Variants in DPP8 observed in about 807,000 individuals in gnomAD.
DPP8 encodes DPP VIII.
A neutral mutation model predicts 107.5 loss-of-function variants in DPP8; 31 were observed. The observed-to-expected ratio is 0.29, with a 90% CI of 0.22 to 0.39. DPP8 has a LOEUF of 0.39. DPP8 is among the 10% of genes least tolerant of loss of function. The probability of loss-of-function intolerance (pLI) is 1.00; values close to 1 mark genes in which losing one functional copy is unlikely to be tolerated. For synonymous variants in DPP8, 381 were observed against 356.6 expected, an observed-to-expected ratio of 1.07 and a Z score of -0.77; for missense variants, 842 against 1,076.1, an observed-to-expected ratio of 0.78 and a Z score of 3.04.
intron 8 of DPP8, among the ~76,000 whole-genome samples, chr15:65,483,328 C>T (rs2067104095): frequency 6.6e-6 from 1 of 151,848 alleles, no homozygotes; most frequent in Non-Finnish European, 1.5e-5. Flanking sequence ...AGTGCAAGAC[C>T]AGCCTGGGCA....
At position 65,463,888 on chromosome 15, in the gene DPP8, G is replaced by A. The variant is rs1463749943; in HGVS notation, c.1844C>T (p.Thr615Ile). The stretch of plus-strand genomic sequence containing the variant: ...TTCAAAAGAGAAAATTTCTGGAGGA[G>A]TATAGTCAGGAAGAGGACCTGTGAA... Reference protein sequence around the residue: ...LDSAGPLPDYTPPEIFSFEST... With the variant: ...LDSAGPLPDYIPPEIFSFEST... Residue 615 changes from threonine (T) to isoleucine (I), a missense_variant, in exon 15 of 20, where the codon ACT becomes ATT. Thr to Ile is a moderately conservative substitution (Grantham distance 89). Around this residue, in one of 2 missense-constraint regions of DPP8, gnomAD observed 663 missense variants for 758.0 expected, o/e 0.87. Coordinates refer to ENST00000300141, the MANE Select transcript of DPP8 (RefSeq NM_130434.5). 2 of 1,586,054 alleles carry A rather than the reference G, an allele frequency of 1.3e-6. No homozygotes were observed. The highest frequency in any genetic ancestry group is 3.4e-4 in the Middle Eastern group (2 of 5,908).
chr15:65,467,038 T>C, intron 13 of DPP8, 33 bp downstream of exon 13: 1 of 1,610,570 alleles, frequency 6.2e-7, no homozygotes, highest in Non-Finnish European at 8.5e-7. Flanking sequence ...AGTTTTAATA[T>C]GACACAAAAC....
intron 8 of DPP8, among the ~76,000 whole-genome samples, chr15:65,482,090 T>C (rs1595986741): frequency 6.6e-6 from 1 of 152,276 alleles, no homozygotes; most frequent in East Asian, 1.9e-4. Flanking sequence ...TGGAATGCAG[T>C]GGCTTGATCA....
At chr15:65,482,854 T>C (rs1300187070) in intron 8 of DPP8, among the ~76,000 whole-genome samples, 1 of 151,902 alleles carries the variant, frequency 6.6e-6, no homozygotes, top group Non-Finnish European at 1.5e-5. Flanking sequence ...CCCAGCACTT[T>C]GAGAGGCCGA....
At position 65,498,032 on chromosome 15, in the gene DPP8, G is replaced by T. The variant is rs2068782176; in HGVS notation, c.547C>A (p.Gln183Lys). The T allele has an allele frequency of 1.9e-6, 3 of 1,584,186 alleles. No homozygotes were observed. Among genetic ancestry groups the T allele is most frequent in the Non-Finnish European group, 1.7e-6 (2 of 1,162,206 alleles). The change falls in exon 5 of 20, where the codon CAA becomes AAA. Residue 183 changes from glutamine to lysine, a missense_variant and splice_region_variant. This residue lies in a region of DPP8 where 663 missense variants were observed against 758.0 expected (regional missense o/e 0.87). Coordinates refer to ENST00000300141, the MANE Select transcript of DPP8 (RefSeq NM_130434.5). ...VKDGGPQGFT[Q>K]QPLRPNLVET... is the part of the protein sequence containing the mutation. ...ACTAGATTGGGCCTTAAAGGTTGTTGCTAGAAAAGTAAACAACATTTTAAG... is the reference window on the plus strand; with the variant it reads ...ACTAGATTGGGCCTTAAAGGTTGTTTCTAGAAAAGTAAACAACATTTTAAG...
At chr15:65,500,873 CTTTTTTT>C (rs781459910) in intron 3 of DPP8, 94 bp from the exon 4 acceptor site, 40 of 329,182 alleles carry the variant, frequency 1.2e-4, no homozygotes, top group Admixed American at 8.2e-4. Flanking sequence ...ATTATTGACT[CTTTTTTT>C]TTTTTTTTTT....
At chr15:65,455,593 G>T in intron 16 of DPP8, 1 of 1,011,834 alleles carries the variant, frequency 9.9e-7, no homozygotes, top group Non-Finnish European at 1.3e-6. Flanking sequence ...TACTAGGCCT[G>T]CCAGTGCACG....
At chr15:65,504,360 T>C (rs2069662712) in intron 3 of DPP8, among the ~76,000 whole-genome samples, 1 of 124,284 alleles carries the variant, frequency 8.0e-6, no homozygotes, top group East Asian at 2.3e-4. Flanking sequence ...TGAAACTCCA[T>C]CTCAAAAAAA....
chr15:65,512,484 T>A lies in DPP8; in HGVS notation c.70A>T (p.Ile24Phe), dbSNP rs773988340. The A allele has an allele frequency of 1.2e-6, 2 of 1,614,164 alleles. No individual in the cohort carries two copies. The highest frequency in any genetic ancestry group is 4.5e-5 in the East Asian group (2 of 44,886). The change falls in exon 2 of 20, where the codon ATT becomes TTT. Residue 24 changes from isoleucine to phenylalanine, a missense_variant. Ile to Phe is a conservative substitution (Grantham distance 21, BLOSUM62 0). Around this residue, in one of 2 missense-constraint regions of DPP8, gnomAD observed 663 missense variants for 758.0 expected, o/e 0.87. Transcript: ENST00000300141. ...IFETADCEEN[I>F]ESQDRPKLEP... ...AATTTAGGCCGATCCTGTGATTCAA[T>A]ATTCTCCTCACAGTCCGCAGTTTCA...
At position 65,456,264 on chromosome 15, in the gene DPP8, G is replaced by A; in HGVS notation, c.2079C>T (p.His693=). ...VVVIDNRGSC[H]RGLKFEGAFK... ...AGGCGCCTTCAAATTTAAGCCCTCGGTGACAGGATCCCCTGTTGTCTATCA... is the reference window on the plus strand; with the variant it reads ...AGGCGCCTTCAAATTTAAGCCCTCGATGACAGGATCCCCTGTTGTCTATCA... The change falls in exon 16 of 20, where the codon CAC becomes CAT. Residue 693 remains histidine (H), a synonymous_variant. Transcript: ENST00000300141. 6.2e-7 allele frequency: 1 copy of A among 1,613,410 alleles called. No homozygotes were observed. The highest frequency in any genetic ancestry group is 1.3e-5 in the African/African-American group (1 of 75,002).
chr15:65,451,974 T>C lies in DPP8; in HGVS notation c.2400A>G (p.Glu800=). The change falls in exon 18 of 20, where the codon GAA becomes GAG. Residue 800 remains glutamate (E), a synonymous_variant. Transcript: ENST00000300141. ...YYLGSVAMQA[E]KFPSEPNRLL... is the part of the protein sequence containing the mutation. ...CTTGCACTTACTCAGAGGGGAACTT[T>C]TCTGCTTGCATGGCCACAGATCCTA... is the stretch of plus-strand genomic sequence containing the variant. The C allele has an allele frequency of 6.3e-7, 1 of 1,597,732 alleles. No homozygotes were observed. The highest frequency in any genetic ancestry group is 8.5e-7 in the Non-Finnish European group (1 of 1,175,240).
chr15:65,474,053 G>A (rs918206937), intron 12 of DPP8, among the ~76,000 whole-genome samples, 156 bp downstream of exon 12: 24 of 152,138 alleles, frequency 1.6e-4, no homozygotes, highest in African/African-American at 4.3e-4. Context: ...GTAGTGAGCC[G>A]AGATCACCCC....
intron 6 of DPP8, among the ~76,000 whole-genome samples, chr15:65,488,499 T>G (rs2067655913): frequency 6.7e-6 from 1 of 150,072 alleles, no homozygotes; most frequent in Non-Finnish European, 1.5e-5. Context: ...TCCCAGGTAC[T>G]TGAGAGGCTG....
rs1021585946 is a variant in DPP8 at position 65,475,332 on chromosome 15, G to A, written c.1457-1044C>T. The A allele has an allele frequency of 4.9e-5, 56 of 1,137,308 alleles. 1 individual carries two copies. The highest frequency in any genetic ancestry group is 2.6e-4 in the Admixed American group (15 of 57,292). 70.5% of individuals were successfully genotyped at this position (1,137,308 alleles called of 1,614,324 possible). On this transcript the variant is annotated intron_variant, in intron 11 of 19. Coordinates refer to ENST00000300141, the MANE Select transcript of DPP8 (RefSeq NM_130434.5). ...TGGAAGTTGGGTCAGCTGCTGCCCC[G>A]AGCCAGCTTTATCTTCTGAGTGTGG...
chr15:65,479,083 A>G, intron 10 of DPP8, 44 bp from the exon 11 acceptor site: 2 of 1,341,064 alleles, frequency 1.5e-6, no homozygotes, highest in Non-Finnish European at 2.0e-6. Context: ...TTATGAAAAT[A>G]CTACATAATT....
chr15:65,506,136 C>T (rs2141049091), intron 3 of DPP8, among the ~76,000 whole-genome samples: 1 of 151,252 alleles, frequency 6.6e-6, no homozygotes, highest in East Asian at 2.0e-4. Flanking sequence ...TCGAGACCAT[C>T]CTAGCTAACA....
At chr15:65,487,577 T>C in intron 7 of DPP8, 113 bp downstream of exon 7, 1 of 997,310 alleles carries the variant, frequency 1.0e-6, no homozygotes, top group Non-Finnish European at 1.5e-6. Flanking sequence ...CAACCCGTCG[T>C]AAATAAGGCT....
chr15:65,496,816 A>ATT (rs1185461247), intron 5 of DPP8, among the ~76,000 whole-genome samples: 3 of 138,904 alleles, frequency 2.2e-5, no homozygotes, highest in African/African-American at 7.9e-5. Context: ...ACATCCAGCT[A>ATT]TTTTTTTTTT....
intron 3 of DPP8, among the ~76,000 whole-genome samples, chr15:65,501,561 AGATT>A (rs1278289985): frequency 1.3e-5 from 2 of 152,224 alleles, no homozygotes; most frequent in East Asian, 3.8e-4. Context: ...AGCTTTGTGA[AGATT>A]AATTTAGATA....
Sources: gnomAD v4.1 joint callset for allele counts (sites outside exome capture counted in the v4.1 genomes callset) on GRCh38, gnomAD v4.1.1 for gene constraint, gnomAD v4.1.1 regional missense constraint, MANE v1.5 for transcripts, NCBI Gene and HGNC (gene_info 2026-07-23, HGNC 2026-07-21) for gene names.